REEP1: variants seen among roughly 807,000 people sequenced by gnomAD.
REEP1 encodes the protein receptor expression-enhancing protein 1.
REEP1 carries 22 observed loss-of-function variants against 40.3 expected under a neutral mutation model. That is an observed-to-expected ratio of 0.55 (90% CI 0.39 to 0.78). The LOEUF is 0.78. Ranked by LOEUF, REEP1 falls within the 30% of genes least tolerant of loss-of-function variation. REEP1 has a pLI of 0.00. For synonymous variants in REEP1, 116 were observed against 139.2 expected, an observed-to-expected ratio of 0.83 and a Z score of 1.17; for missense variants, 280 against 361.1, an observed-to-expected ratio of 0.78 and a Z score of 1.82.
intron 1 of REEP1, among the ~76,000 whole-genome samples, chr2:86,301,247 C>G (rs12476706): frequency 3.9e-5 from 6 of 152,032 alleles, no homozygotes; most frequent in Non-Finnish European, 8.8e-5. Flanking sequence ...CCACAGCAGG[C>G]TTTTCCATGG....
At chr2:86,304,879 T>C (rs1679412036) in intron 1 of REEP1, among the ~76,000 whole-genome samples, 1 of 152,122 alleles carries the variant, frequency 6.6e-6, no homozygotes, top group African/African-American at 2.4e-5. Flanking sequence ...ACTGTAAACT[T>C]AAGCAGCTAT....
intron 1 of REEP1, among the ~76,000 whole-genome samples, chr2:86,298,204 G>A (rs1418521093): frequency 6.6e-6 from 1 of 152,206 alleles, no homozygotes; most frequent in African/African-American, 2.4e-5. Flanking sequence ...AGGAATGGGA[G>A]AAGTTTGGAG....
At chr2:86,251,764 C>T (rs1676286440) in intron 5 of REEP1, 193 bp downstream of exon 5, 2 of 639,494 alleles carry the variant, frequency 3.1e-6, no homozygotes, top group Non-Finnish European at 5.7e-6. Flanking sequence ...AGTATGTGGG[C>T]ATGTGTGTTG....
chr2:86,271,001 G>A lies in REEP1; in HGVS notation c.106-6960C>T, dbSNP rs570475093. 9.2e-5 allele frequency among the ~76,000 whole-genome samples: 14 copies of A among 151,962 alleles called. No homozygotes were observed. In the South Asian group the frequency reaches 2.1e-3, roughly 23 times the overall value. ...GAGGCCAGGAGTTCTAGACCAGCCT[G>A]GGCAACTTGGCAATACCCTGTCTCT... is the stretch of plus-strand genomic sequence containing the variant. On this transcript the variant is annotated intron_variant, in intron 2 of 8. Coordinates refer to ENST00000538924, the MANE Select transcript of REEP1 (RefSeq NM_001371279.1).
In REEP1 at chr2:86,216,839, T is replaced by G; in HGVS notation, c.*200A>C. 1 of 476,494 alleles carries G rather than the reference T, an allele frequency of 2.1e-6. No individual in the cohort carries two copies. 29.5% of individuals were successfully genotyped at this position (476,494 alleles called of 1,614,324 possible). A position where few individuals can be genotyped will look rare whatever the true frequency, so the allele number is the denominator to read the frequency against. ...CACCCCCGCCCCTACTACCTTTCCC[T>G]TTAGCCTCTCCCCAGCAAAATAAAG... is the stretch of plus-strand genomic sequence containing the variant. On this transcript the variant is annotated 3_prime_UTR_variant, in exon 9 of 9. Coordinates refer to ENST00000538924, the MANE Select transcript of REEP1 (RefSeq NM_001371279.1).
chr2:86,298,473 G>C (rs1365200013), intron 1 of REEP1, among the ~76,000 whole-genome samples: 1 of 152,218 alleles, frequency 6.6e-6, no homozygotes, highest in Admixed American at 6.5e-5. Context: ...CTGTTCTATT[G>C]CTGGTGAGGC....
At chr2:86,301,578 C>T (rs535353202) in intron 1 of REEP1, among the ~76,000 whole-genome samples, 2 of 152,274 alleles carry the variant, frequency 1.3e-5, no homozygotes, top group African/African-American at 2.4e-5. Context: ...TCCTATCTCT[C>T]GTCATGTTTA....
At chr2:86,311,969 T>C (rs1299175351) in intron 1 of REEP1, among the ~76,000 whole-genome samples, 1 of 152,094 alleles carries the variant, frequency 6.6e-6, no homozygotes, top group Non-Finnish European at 1.5e-5. Flanking sequence ...CCTTCTGATT[T>C]GCACATGTGT....
At chr2:86,284,668 T>C (rs1455001295) in intron 1 of REEP1, among the ~76,000 whole-genome samples, 1 of 152,172 alleles carries the variant, frequency 6.6e-6, no homozygotes, top group Non-Finnish European at 1.5e-5. Context: ...GCCCCTGCCC[T>C]GGGACAGCAT....
intron 2 of REEP1, among the ~76,000 whole-genome samples, chr2:86,281,072 C>T (rs894334188): frequency 6.6e-6 from 1 of 152,136 alleles, no homozygotes; most frequent in Admixed American, 6.5e-5. Flanking sequence ...TGACCAACCT[C>T]GGTCTTCTGA....
intron 5 of REEP1, among the ~76,000 whole-genome samples, chr2:86,240,279 T>A (rs1675603184): frequency 6.6e-6 from 1 of 152,218 alleles, no homozygotes; most frequent in Admixed American, 6.5e-5. Context: ...GTACGGTCCC[T>A]GCTCCCATGG....
At chr2:86,311,935 C>A (rs747628877) in intron 1 of REEP1, among the ~76,000 whole-genome samples, 4 of 152,102 alleles carry the variant, frequency 2.6e-5, no homozygotes, top group Non-Finnish European at 5.9e-5. Flanking sequence ...TGGGACAAGA[C>A]GGAACTAGAT....
chr2:86,336,024 T>G (rs1251002901), intron 1 of REEP1, among the ~76,000 whole-genome samples: 1 of 151,798 alleles, frequency 6.6e-6, no homozygotes, highest in Non-Finnish European at 1.5e-5. Flanking sequence ...AGCTCAACTC[T>G]CCAGCCCCAC....
chr2:86,234,181 AG>A (rs1395515885), intron 5 of REEP1, among the ~76,000 whole-genome samples: 1 of 151,906 alleles, frequency 6.6e-6, no homozygotes, highest in African/African-American at 2.4e-5. Context: ...AGTTCATTAG[AG>A]GGGAGGGGGA....
In REEP1 at chr2:86,215,527, C is replaced by T. The variant is rs187079562; in HGVS notation, c.*1512G>A. 2 of 152,696 alleles carry T rather than the reference C, an allele frequency of 1.3e-5. No homozygotes were observed. Among genetic ancestry groups the T allele is most frequent in the Admixed American group, 6.5e-5 (1 of 15,296 alleles). 9.5% of individuals were successfully genotyped at this position (152,696 alleles called of 1,614,324 possible). A position where few individuals can be genotyped will look rare whatever the true frequency, so the allele number is the denominator to read the frequency against. The stretch of plus-strand genomic sequence containing the variant: ...TTCTCTAGTCTTCTGGGCATATCTA[C>T]GAACAAATACAATCCAAATATTATG... On this transcript the variant is annotated 3_prime_UTR_variant, in exon 9 of 9. Transcript: ENST00000538924.
intron 5 of REEP1, among the ~76,000 whole-genome samples, chr2:86,236,281 C>T (rs2104085719): frequency 6.6e-6 from 1 of 152,126 alleles, no homozygotes; most frequent in East Asian, 1.9e-4. Flanking sequence ...TCAGTCTCTA[C>T]ACAAAATCTC....
At chr2:86,283,709 T>C (rs949420707) in intron 1 of REEP1, among the ~76,000 whole-genome samples, 1 of 152,210 alleles carries the variant, frequency 6.6e-6, no homozygotes, top group African/African-American at 2.4e-5. Flanking sequence ...ACACATACCT[T>C]GTGCGAAGTG....
intron 1 of REEP1, among the ~76,000 whole-genome samples, chr2:86,319,278 T>C (rs1306504847): frequency 6.6e-6 from 1 of 152,150 alleles, no homozygotes; most frequent in African/African-American, 2.4e-5. Flanking sequence ...GGTGAGGTAA[T>C]GGGATGGTCC....
rs933064195 is a variant in REEP1, at chr2:86,230,050, C to T, written c.595+2575G>A. On this transcript the variant is annotated intron_variant, in intron 6 of 8. Coordinates refer to ENST00000538924, the MANE Select transcript of REEP1 (RefSeq NM_001371279.1). ...GTCATAGGTGCGGAGGCCAAGGGGG[C>T]CAGCAGTGAGGAGGGCTGGGGCATA... Among the ~76,000 whole-genome samples the T allele has an allele frequency of 2.0e-5, 3 of 152,182 alleles. 1 individual carries two copies. The highest frequency in any genetic ancestry group is 2.0e-4 in the Admixed American group (3 of 15,276).
Sources: gnomAD v4.1 joint callset for allele counts (sites outside exome capture counted in the v4.1 genomes callset) on GRCh38, gnomAD v4.1.1 for gene constraint, MANE v1.5 for transcripts, NCBI Gene and HGNC (gene_info 2026-07-23, HGNC 2026-07-21) for gene names.